Variants in SERPINB3 observed in about 807,000 individuals in gnomAD.
SERPINB3 encodes serpin B3.
In SERPINB3, 33 loss-of-function variants were observed where a neutral mutation model predicts 33.0. The observed-to-expected ratio is 1.00, with a 90% CI of 0.76 to 1.34. The LOEUF (loss-of-function observed/expected upper bound fraction) is 1.34. Among genes scored for constraint, SERPINB3 ranks in the 40% most tolerant of loss-of-function variants. SERPINB3 has a pLI of 0.00. For missense variants in SERPINB3, 518 were observed against 461.5 expected (o/e 1.12, Z -1.12); for synonymous variants, 200 against 170.9 (o/e 1.17, Z -1.33).
At chr18:63,660,907 T>G in intron 2 of SERPINB3, 51 bp from the exon 3 acceptor site, 6 of 1,612,742 alleles carry the variant, frequency 3.7e-6, no homozygotes, top group Non-Finnish European at 5.1e-6. Context: ...AAGATCTGTT[T>G]AAGTCAGTGG....
chr18:63,658,290 C>T (rs1598937939), intron 5 of SERPINB3, among the ~76,000 whole-genome samples: 1 of 152,064 alleles, frequency 6.6e-6, no homozygotes, highest in Non-Finnish European at 1.5e-5. Flanking sequence ...GCAAAGAATC[C>T]TCCGGCTATG....
intron 4 of SERPINB3, 63 bp downstream of exon 4, chr18:63,659,336 T>C: frequency 1.3e-6 from 2 of 1,554,870 alleles, no homozygotes; most frequent in Non-Finnish European, 1.8e-6. Flanking sequence ...TTCTTCCATT[T>C]GGCCACTCAG....
Position 63,659,221 on chromosome 18 carries a change from T to C in SERPINB3, c.351+178A>G, listed in dbSNP as rs548283356. Reference sequence around the variant, plus strand: ...CTAAATCCACACTTCAGTGATGTATTGTTAGGGTCTGGGACACTCCAGTGG... The same window carrying C: ...CTAAATCCACACTTCAGTGATGTATCGTTAGGGTCTGGGACACTCCAGTGG... On this transcript the variant is annotated intron_variant, in intron 4 of 7. Transcript: ENST00000283752. 1.6e-4 allele frequency: 109 copies of C among 666,854 alleles called. No homozygotes were observed. In the East Asian group the frequency reaches 1.9e-3, roughly 12 times the overall value. 41.3% of individuals were successfully genotyped at this position (666,854 alleles called of 1,614,324 possible).
In SERPINB3 at chr18:63,655,975, A is replaced by C. The variant is rs781029396; in HGVS notation, c.855T>G (p.Pro285=). 1.2e-6 allele frequency: 2 copies of C among 1,613,962 alleles called. No individual in the cohort carries two copies. The highest frequency in any genetic ancestry group is 1.7e-6 in the Non-Finnish European group (2 of 1,179,934). ...CATAGCTCTCTTCCACTTTGAACCG[A>C]GGTAAGTGTAAATCGACACGTGTCT... The part of the protein sequence containing the change: ...MRETRVDLHL[P]RFKVEESYDL... The change falls in exon 8 of 8, where the codon CCT becomes CCG. Residue 285 remains proline, a synonymous_variant. Transcript: ENST00000283752.
chr18:63,659,291 C>G lies in SERPINB3; in HGVS notation c.351+108G>C, dbSNP rs748220823. 8.8e-6 allele frequency: 11 copies of G among 1,250,580 alleles called. No homozygotes were observed. In the East Asian group the frequency reaches 2.6e-4, roughly 29 times the overall value. The allele number at this position is 1,250,580 out of a possible 1,614,324, so 77.5% of individuals were successfully genotyped here. On this transcript the variant is annotated intron_variant, in intron 4 of 7. Transcript: ENST00000283752. ...AGCTATTGCACTCTGAGTAAATGCTCTCCACCTGGATCGGTCAGGCTCATC... is the reference window on the plus strand; with the variant it reads ...AGCTATTGCACTCTGAGTAAATGCTGTCCACCTGGATCGGTCAGGCTCATC...
At chr18:63,659,869 T>C (rs576695660) in intron 3 of SERPINB3, among the ~76,000 whole-genome samples, 6 of 152,192 alleles carry the variant, frequency 3.9e-5, no homozygotes, top group Admixed American at 3.9e-4. Context: ...GGACCATATT[T>C]CACTTCTAAC....
At chr18:63,656,423 T>C (rs1239465333) in intron 7 of SERPINB3, among the ~76,000 whole-genome samples, 1 of 152,204 alleles carries the variant, frequency 6.6e-6, no homozygotes, top group Non-Finnish European at 1.5e-5. Flanking sequence ...CAATTTTTAA[T>C]AGGCTCATCT....
At chr18:63,658,818 A>C (rs1913566314) in intron 4 of SERPINB3, among the ~76,000 whole-genome samples, 188 bp from the exon 5 acceptor site, 1 of 152,158 alleles carries the variant, frequency 6.6e-6, no homozygotes. Context: ...GGCTGGCGCA[A>C]GAAAGAGGTC....
chr18:63,661,391 C>T, intron 1 of SERPINB3, 149 bp from the exon 2 acceptor site: 1 of 849,470 alleles, frequency 1.2e-6, no homozygotes, highest in Non-Finnish European at 1.8e-6. Context: ...TTCAATCTTT[C>T]TACAATGTGC....
rs1162708298 is a variant in SERPINB3 at position 63,661,153 on chromosome 18, A to T, written c.64T>A (p.Ser22Thr). Residue 22 changes from serine (S) to threonine (T), a missense_variant, in exon 2 of 8, where the codon TCA (serine) becomes ACA (threonine). By Grantham distance (58) the Ser-to-Thr change is moderately conservative. Coordinates refer to ENST00000283752, the MANE Select transcript of SERPINB3 (RefSeq NM_006919.3). The stretch of plus-strand genomic sequence containing the variant: ...GAATAGAAGATGTTGTTCTCTTTTG[A>T]TTTTCTGAACTGTTGGAACAGGTCG... ...MFDLFQQFRKSKENNIFYSPI... is the reference protein window; with the variant it reads ...MFDLFQQFRKTKENNIFYSPI... 6.2e-7 allele frequency: 1 copy of T among 1,613,484 alleles called. No homozygotes were observed. Among genetic ancestry groups the T allele is most frequent in the East Asian group, 2.2e-5 (1 of 44,872 alleles).
chr18:63,660,296 C>G (rs374588230), intron 3 of SERPINB3, among the ~76,000 whole-genome samples: 3 of 152,008 alleles, frequency 2.0e-5, no homozygotes, highest in East Asian at 1.9e-4. Flanking sequence ...TGTGCTTATT[C>G]CTCTTTATCT....
Position 63,655,472 on chromosome 18 carries a change from G to A in SERPINB3, c.*185C>T, listed in dbSNP as rs1278948968. On this transcript the variant is annotated 3_prime_UTR_variant, in exon 8 of 8. Coordinates refer to ENST00000283752, the MANE Select transcript of SERPINB3 (RefSeq NM_006919.3). ...TGGAAGAAAAAGTACATTTATATGT[G>A]GGCTTATTAAGAGAAAGAGAGAAAG... is the stretch of plus-strand genomic sequence containing the variant. 1.6e-6 allele frequency: 1 copy of A among 629,534 alleles called. No individual in the cohort carries two copies. Among genetic ancestry groups the A allele is most frequent in the Non-Finnish European group, 2.6e-6 (1 of 385,058 alleles). The allele number at this position is 629,534 out of a possible 1,614,324, so 39.0% of individuals were successfully genotyped here. A position where few individuals can be genotyped will look rare whatever the true frequency, so the allele number is the denominator to read the frequency against.
In SERPINB3 at chr18:63,655,777, T is replaced by C; in HGVS notation, c.1053A>G (p.Gly351=). The change falls in exon 8 of 8, where the codon GGA becomes GGG. Residue 351 remains glycine, a synonymous_variant. Transcript: ENST00000283752. The part of the protein sequence containing the change: ...AEAAAATAVV[G]FGSSPTSTNE... The stretch of plus-strand genomic sequence containing the variant: ...TAGTTGAAGTAGGTGATGATCCGAA[T>C]CCTACTACAGCGGTGGCAGCTGCAG... 1.2e-6 allele frequency: 2 copies of C among 1,613,916 alleles called. No homozygotes were observed. Among genetic ancestry groups the C allele is most frequent in the Non-Finnish European group, 1.7e-6 (2 of 1,179,928 alleles).
At position 63,661,239 on chromosome 18, in the gene SERPINB3, A is replaced by G; in HGVS notation, c.-23T>C. 6.2e-7 allele frequency: 1 copy of G among 1,607,034 alleles called. No homozygotes were observed. Among genetic ancestry groups the G allele is most frequent in the Non-Finnish European group, 8.5e-7 (1 of 1,176,872 alleles). On this transcript the variant is annotated 5_prime_UTR_variant, in exon 2 of 8. Transcript: ENST00000283752. ...CATGGTGAACTCGATGTGATCTGGA[A>G]CTCCTGGAAAAGCATCAGATTCCTG...
In SERPINB3 at chr18:63,655,867, G is replaced by A. The variant is rs763567283; in HGVS notation, c.963C>T (p.Arg321=). Residue 321 remains arginine (R), a synonymous_variant, in exon 8 of 8, where the codon CGC becomes CGT. Coordinates refer to ENST00000283752, the MANE Select transcript of SERPINB3 (RefSeq NM_006919.3). ...DADLSGMTGS[R]GLVLSGVLHK... is the part of the protein sequence containing the mutation. ...GTAGGACTCCAGATAGCACGAGACC[G>A]CGGCTCCCGGTCATGCCTGAGAGGT... The A allele has an allele frequency of 1.2e-5, 19 of 1,613,824 alleles. No individual in the cohort carries two copies. Among genetic ancestry groups the A allele is most frequent in the East Asian group, 6.7e-5 (3 of 44,880 alleles).
At position 63,655,463 on chromosome 18, in the gene SERPINB3, T is replaced by C; in HGVS notation, c.*194A>G. The C allele has an allele frequency of 1.7e-6, 1 of 584,150 alleles. No homozygotes were observed. The highest frequency in any genetic ancestry group is 3.8e-5 in the South Asian group (1 of 26,514). 36.2% of individuals were successfully genotyped at this position (584,150 alleles called of 1,614,324 possible). On this transcript the variant is annotated 3_prime_UTR_variant, in exon 8 of 8. Coordinates refer to ENST00000283752, the MANE Select transcript of SERPINB3 (RefSeq NM_006919.3). ...GAATTTTTCTGGAAGAAAAAGTACA[T>C]TTATATGTGGGCTTATTAAGAGAAA...
At chr18:63,657,464 C>G in intron 5 of SERPINB3, 52 bp from the exon 6 acceptor site, 3 of 1,434,284 alleles carry the variant, frequency 2.1e-6, no homozygotes, top group African/African-American at 1.4e-5. Flanking sequence ...AATGGCTTGT[C>G]TGGAAGATGC....
At chr18:63,656,262 A>G (rs1682478434) in intron 7 of SERPINB3, among the ~76,000 whole-genome samples, 2 of 151,398 alleles carry the variant, frequency 1.3e-5, no homozygotes, top group South Asian at 2.1e-4. Context: ...GTGTATGTGT[A>G]TAAACAGAAT....
At chr18:63,661,423 C>G (rs1913642986) in intron 1 of SERPINB3, among the ~76,000 whole-genome samples, 181 bp from the exon 2 acceptor site, 1 of 152,084 alleles carries the variant, frequency 6.6e-6, no homozygotes, top group Non-Finnish European at 1.5e-5. Flanking sequence ...ATATTAATGT[C>G]TTAATTAGAA....
Sources: gnomAD v4.1 joint callset for allele counts (sites outside exome capture counted in the v4.1 genomes callset) on GRCh38, gnomAD v4.1.1 for gene constraint, MANE v1.5 for transcripts, NCBI Gene and HGNC (gene_info 2026-07-23, HGNC 2026-07-21) for gene names.